NOTCH2: variants seen among roughly 807,000 people sequenced by gnomAD.
NOTCH2 encodes notch receptor 2.
In NOTCH2, 29 loss-of-function variants were observed where a neutral mutation model predicts 235.8. The ratio of observed to expected loss-of-function variants is 0.12; its 90% CI spans 0.09 to 0.17. The LOEUF is 0.17. NOTCH2 is among the 10% of genes least tolerant of loss of function. NOTCH2 has a pLI of 1.00. For synonymous variants in NOTCH2, 1,086 were observed against 1,141.5 expected, an observed-to-expected ratio of 0.95 and a Z score of 0.98; for missense variants, 2,285 against 3,150.2, an observed-to-expected ratio of 0.73 and a Z score of 6.57.
rs587757259 is a variant in NOTCH2, at chr1:119,962,390, G to T, written c.1915+1184C>A. Among the ~76,000 whole-genome samples, 17 of 152,280 alleles carry T rather than the reference G, an allele frequency of 1.1e-4. No individual in the cohort carries two copies. In the East Asian group the frequency reaches 3.1e-3, roughly 28 times the overall value. On this transcript the variant is annotated intron_variant, in intron 11 of 33. Coordinates refer to ENST00000256646, the MANE Select transcript of NOTCH2 (RefSeq NM_024408.4). Reference sequence around the variant, plus strand: ...ATTTCTCATGTCTGAGGAACAGCCCGGAAGCAAATTGCTTTTGGAAGTTTT... The same window carrying T: ...ATTTCTCATGTCTGAGGAACAGCCCTGAAGCAAATTGCTTTTGGAAGTTTT...
chr1:119,935,662 T>G (rs5025718), intron 21 of NOTCH2, 58 bp from the exon 22 acceptor site: 1 of 1,590,664 alleles, frequency 6.3e-7, no homozygotes, highest in East Asian at 2.2e-5. Context: ...AAACAGACCA[T>G]GAGAGCTAGT....
intron 16 of NOTCH2, 147 bp from the exon 17 acceptor site, chr1:119,948,713 T>C: frequency 1.0e-6 from 1 of 970,636 alleles, no homozygotes; most frequent in East Asian, 2.6e-5. Context: ...CCAGGAAGAC[T>C]TCTGTGGCCT....
chr1:119,968,044 C>T (rs1350911172), intron 7 of NOTCH2, 33 bp downstream of exon 7: 5 of 1,613,300 alleles, frequency 3.1e-6, no homozygotes, highest in East Asian at 4.5e-5. Context: ...TCAACAGACA[C>T]TTCACAGAAC....
intron 5 of NOTCH2, among the ~76,000 whole-genome samples, chr1:119,980,047 C>T (rs1189766672): frequency 6.6e-6 from 1 of 152,196 alleles, no homozygotes; most frequent in African/African-American, 2.4e-5. Flanking sequence ...CTCGCTCTTT[C>T]CTCTCCTGTC....
chr1:120,065,559 C>T (rs1553216942), intron 1 of NOTCH2, among the ~76,000 whole-genome samples: 1 of 152,204 alleles, frequency 6.6e-6, no homozygotes, highest in East Asian at 1.9e-4. Flanking sequence ...CTCTAATTGG[C>T]TCTGTGACCA....
At position 119,923,647 on chromosome 1, in the gene NOTCH2, C is replaced by CGG; in HGVS notation, c.4848_4849insCC (p.Glu1617ProfsTer56). ...AAACCAAACACCTACCCAGCCACCT[C>CGG]CTGTTCTTGTTCACCAGGAAGGGAT... On this transcript the variant is annotated frameshift_variant, in exon 26 of 34. Transcript: ENST00000256646. LOFTEE classifies it high-confidence loss of function. The CGG allele has an allele frequency of 6.2e-7, 1 of 1,614,020 alleles. No individual in the cohort carries two copies. The highest frequency in any genetic ancestry group is 8.5e-7 in the Non-Finnish European group (1 of 1,180,000).
At chr1:119,999,711 A>G (rs1370844536) in intron 3 of NOTCH2, among the ~76,000 whole-genome samples, 1 of 152,076 alleles carries the variant, frequency 6.6e-6, no homozygotes, top group Non-Finnish European at 1.5e-5. Context: ...GTGAAATGCC[A>G]TCTTTTCTAA....
In NOTCH2 at chr1:120,069,463, G is replaced by C. The variant is rs1655677443; in HGVS notation, c.-57C>G. The C allele has an allele frequency of 6.6e-7, 1 of 1,512,608 alleles. No homozygotes were observed. The highest frequency in any genetic ancestry group is 2.2e-5 in the Admixed American group (1 of 45,120). 93.7% of individuals were successfully genotyped at this position (1,512,608 alleles called of 1,614,324 possible). The stretch of plus-strand genomic sequence containing the variant: ...GCCGCCGCCTGGGCAGATCCACATG[G>C]GGAGGGGGTCCCGATAGAGGAGCCC... On this transcript the variant is annotated 5_prime_UTR_variant, in exon 1 of 34. Transcript: ENST00000256646.
At position 119,963,554 on chromosome 1, in the gene NOTCH2, CA is replaced by C; in HGVS notation, c.1915+19del. On this transcript the variant is annotated intron_variant, in intron 11 of 33. Transcript: ENST00000256646. ...GAAACAGTGAAAACCCCATACCAAA[CA>C]TAAACAGAGTGGGCTTACCTGACGT... is the stretch of plus-strand genomic sequence containing the variant. 6.3e-7 allele frequency: 1 copy of C among 1,598,240 alleles called. No individual in the cohort carries two copies. Among genetic ancestry groups the C allele is most frequent in the Non-Finnish European group, 8.6e-7 (1 of 1,165,476 alleles).
chr1:119,969,782 G>A, intron 5 of NOTCH2, 38 bp from the exon 6 acceptor site: 1 of 1,566,398 alleles, frequency 6.4e-7, no homozygotes, highest in Non-Finnish European at 8.8e-7. Context: ...GGGCTCTTGA[G>A]TCTCAAAGGA....
chr1:119,980,235 ACTCT>A (rs2101169121), intron 5 of NOTCH2, among the ~76,000 whole-genome samples: 1 of 152,208 alleles, frequency 6.6e-6, no homozygotes, highest in Non-Finnish European at 1.5e-5. Flanking sequence ...TGGTACTTCC[ACTCT>A]CTGACTATAA....
At chr1:119,987,954 T>C (rs1359935168) in intron 4 of NOTCH2, among the ~76,000 whole-genome samples, 1 of 152,202 alleles carries the variant, frequency 6.6e-6, no homozygotes, top group Non-Finnish European at 1.5e-5. Context: ...GGCCTCTTAC[T>C]TTCTCTTTCC....
intron 17 of NOTCH2, among the ~76,000 whole-genome samples, chr1:119,945,478 C>T (rs1650220363): frequency 6.6e-6 from 1 of 152,024 alleles, no homozygotes; most frequent in Admixed American, 6.6e-5. Context: ...TATACGCTCT[C>T]TACAAGAAAC....
chr1:119,916,837 T>A (rs1649097344), intron 33 of NOTCH2, 143 bp from the exon 34 acceptor site: 1 of 833,060 alleles, frequency 1.2e-6, no homozygotes, highest in South Asian at 1.5e-5. Context: ...ACAGATAGGC[T>A]GTGCCTCTAC....
At chr1:120,024,040 A>T (rs1653744855) in intron 2 of NOTCH2, among the ~76,000 whole-genome samples, 1 of 151,876 alleles carries the variant, frequency 6.6e-6, no homozygotes, top group South Asian at 2.1e-4. Context: ...TTAATGAGCC[A>T]AGAAAACAGC....
In NOTCH2 at chr1:119,969,672, G is replaced by A. The variant is rs782417990; in HGVS notation, c.947C>T (p.Ala316Val). 6.2e-7 allele frequency: 1 copy of A among 1,614,016 alleles called. No homozygotes were observed. The highest frequency in any genetic ancestry group is 8.5e-7 in the Non-Finnish European group (1 of 1,180,004). Residue 316 changes from alanine to valine, a missense_variant, in exon 6 of 34, where the codon GCC becomes GTC. Transcript: ENST00000256646. The part of the protein sequence containing the change: ...PNACQNGGTC[A>V]NRNGGYGCVC... ...ACAGCCATAGCCTCCATTGCGGTTG[G>A]CACAGGTGCCCCCATTTTGACAGGC...
At chr1:119,924,039 T>TTTC (rs2101159640) in intron 25 of NOTCH2, 55 bp from the exon 26 acceptor site, 2 of 1,443,678 alleles carry the variant, frequency 1.4e-6, no homozygotes, top group East Asian at 4.6e-5. Flanking sequence ...ACTGGAGCTC[T>TTTC]ATTTGCTTTT....
chr1:119,918,776 G>A (rs765714864), intron 31 of NOTCH2, among the ~76,000 whole-genome samples: 16 of 152,230 alleles, frequency 1.1e-4, no homozygotes, highest in Non-Finnish European at 2.2e-4. Context: ...CTGATGTAAA[G>A]TGATGAGCCT....
chr1:119,916,911 CA>C (rs1001483416), intron 33 of NOTCH2, among the ~76,000 whole-genome samples: 1 of 152,108 alleles, frequency 6.6e-6, no homozygotes, highest in African/African-American at 2.4e-5. Flanking sequence ...CACCTCTCCT[CA>C]AAAAAACAAT....
Sources: gnomAD v4.1 joint callset for allele counts (sites outside exome capture counted in the v4.1 genomes callset) on GRCh38, gnomAD v4.1.1 for gene constraint, MANE v1.5 for transcripts, NCBI Gene and HGNC (gene_info 2026-07-23, HGNC 2026-07-21) for gene names.